Variants in LRRFIP1 observed in about 807,000 individuals in gnomAD.
LRRFIP1 encodes the protein LRR binding FLII interacting protein 1.
In LRRFIP1, 62 loss-of-function variants were observed where a neutral mutation model predicts 104.4. The observed-to-expected ratio is 0.59, with a 90% CI of 0.48 to 0.73. The LOEUF is 0.73. Ranked by LOEUF, LRRFIP1 falls within the 30% of genes least tolerant of loss-of-function variation. The pLI, the probability that LRRFIP1 is intolerant of heterozygous loss-of-function variation, is 0.00. For missense variants in LRRFIP1, 796 were observed against 824.5 expected, an observed-to-expected ratio of 0.97 and a Z score of 0.42; for synonymous variants, 300 against 299.0, an observed-to-expected ratio of 1.00 and a Z score of -0.03.
At chr2:237,705,986 T>C (rs940521416) in intron 1 of LRRFIP1, among the ~76,000 whole-genome samples, 2 of 152,272 alleles carry the variant, frequency 1.3e-5, no homozygotes, top group East Asian at 3.8e-4. Context: ...GCCCATAGGA[T>C]AATCTGTCTT....
chr2:237,762,664 C>G, intron 19 of LRRFIP1: 3 of 1,613,396 alleles, frequency 1.9e-6, no homozygotes, highest in Non-Finnish European at 2.5e-6. Flanking sequence ...AAAGAGAAAT[C>G]TTGCACAATA....
rs2058276831 is a variant in LRRFIP1 at position 237,749,264 on chromosome 2, G to A, written c.735G>A (p.Arg245=). The change falls in exon 13 of 24, where the codon CGG becomes CGA. Residue 245 remains arginine, a synonymous_variant. Transcript: ENST00000308482. ...TLASLGGTSS[R]RGSGDTSISI... is the part of the protein sequence containing the mutation. ...CCTCTCTGGGTGGGACTTCCTCTCG[G>A]AGAGGCAGCGGAGACACCTCCATCT... 1.2e-6 allele frequency: 2 copies of A among 1,613,816 alleles called. No homozygotes were observed. Among genetic ancestry groups the A allele is most frequent in the African/African-American group, 1.3e-5 (1 of 74,882 alleles).
At chr2:237,630,717 C>T (rs7340156) in intron 1 of LRRFIP1, among the ~76,000 whole-genome samples, 63,745 of 152,080 alleles carry the variant, frequency 0.42, 13,664 homozygotes, top group South Asian at 0.45. Flanking sequence ...ACAGCAAGCC[C>T]GGAGGCAGGG....
At chr2:237,677,407 T>C (rs893918983) in intron 1 of LRRFIP1, among the ~76,000 whole-genome samples, 4 of 152,260 alleles carry the variant, frequency 2.6e-5, no homozygotes, top group Non-Finnish European at 5.9e-5. Context: ...ACTATGTATC[T>C]ATACTACATT....
intron 1 of LRRFIP1, among the ~76,000 whole-genome samples, chr2:237,668,529 C>T (rs1290313650): frequency 6.6e-6 from 1 of 152,128 alleles, no homozygotes; most frequent in East Asian, 1.9e-4. Context: ...GCCTCTTAGC[C>T]CCCTCCTTCC....
At chr2:237,666,740 G>GTTCTTTTA (rs1553627219) in intron 1 of LRRFIP1, among the ~76,000 whole-genome samples, 3 of 149,826 alleles carry the variant, frequency 2.0e-5, no homozygotes, top group African/African-American at 7.4e-5. Flanking sequence ...TTGTTCTTTC[G>GTTCTTTTA]TTCTTTCATT....
chr2:237,655,898 C>G (rs2086740987), intron 1 of LRRFIP1, among the ~76,000 whole-genome samples: 1 of 152,230 alleles, frequency 6.6e-6, no homozygotes, highest in South Asian at 2.1e-4. Context: ...ACTCACAATT[C>G]CACAAACAGG....
chr2:237,712,969 T>C (rs1184680049), intron 2 of LRRFIP1, among the ~76,000 whole-genome samples: 1 of 151,996 alleles, frequency 6.6e-6, no homozygotes, highest in East Asian at 1.9e-4. Flanking sequence ...GTTGATACTT[T>C]GGTGTAAAAA....
chr2:237,733,991 G>A (rs2095135615), intron 9 of LRRFIP1, among the ~76,000 whole-genome samples, 173 bp downstream of exon 9: 1 of 152,188 alleles, frequency 6.6e-6, no homozygotes, highest in African/African-American at 2.4e-5. Context: ...GGCCAGATCT[G>A]GGTTTTCTCT....
chr2:237,675,802 GT>G, intron 1 of LRRFIP1, among the ~76,000 whole-genome samples: 1 of 152,158 alleles, frequency 6.6e-6, no homozygotes, highest in East Asian at 1.9e-4. Context: ...GGCCTTAGGT[GT>G]TGTTTATTTT....
At chr2:237,682,984 G>C (rs2091986901) in intron 1 of LRRFIP1, among the ~76,000 whole-genome samples, 1 of 152,250 alleles carries the variant, frequency 6.6e-6, no homozygotes, top group African/African-American at 2.4e-5. Context: ...GGCAATGTCT[G>C]AGATATTTTT....
Position 237,771,568 on chromosome 2 carries a change from CCA to C in LRRFIP1, c.1510-512_1510-511del, listed in dbSNP as rs1251963163. ...GGAACCAATCCCCCCCCCCCCCCGC[CCA>C]GATACCAAGGGACAACTGGACATGT... is the stretch of plus-strand genomic sequence containing the variant. On this transcript the variant is annotated intron_variant, in intron 20 of 23. Transcript: ENST00000308482. 1.1e-3 allele frequency among the ~76,000 whole-genome samples: 134 copies of C among 124,036 alleles called. 1 individual carries two copies. Among genetic ancestry groups the C allele is most frequent in the South Asian group, 5.6e-3 (18 of 3,198 alleles). 81.4% of individuals were successfully genotyped at this position (124,036 alleles called of 152,430 possible). A position where few individuals can be genotyped will look rare whatever the true frequency, so the allele number is the denominator to read the frequency against.
intron 1 of LRRFIP1, among the ~76,000 whole-genome samples, chr2:237,654,910 T>A (rs1161556997): frequency 6.6e-6 from 1 of 151,962 alleles, no homozygotes; most frequent in East Asian, 1.9e-4. Flanking sequence ...AACCAAGATA[T>A]GGAATCAACC....
intron 13 of LRRFIP1, among the ~76,000 whole-genome samples, chr2:237,750,169 C>T (rs878866377): frequency 1.3e-5 from 2 of 152,066 alleles, no homozygotes; most frequent in African/African-American, 2.4e-5. Context: ...AAGCATCCAC[C>T]AGAGTTTGGC....
intron 8 of LRRFIP1, among the ~76,000 whole-genome samples, chr2:237,732,070 A>T (rs1190149174): frequency 6.6e-6 from 1 of 152,214 alleles, no homozygotes; most frequent in Non-Finnish European, 1.5e-5. Context: ...ATTTAATATC[A>T]ACTAAAATTA....
chr2:237,759,453 C>T (rs2059636739), intron 18 of LRRFIP1, among the ~76,000 whole-genome samples: 1 of 152,170 alleles, frequency 6.6e-6, no homozygotes, highest in South Asian at 2.1e-4. Context: ...CGTAATTCTG[C>T]TCCTTGAAGA....
At chr2:237,664,032 A>C (rs2088651145) in intron 1 of LRRFIP1, among the ~76,000 whole-genome samples, 1 of 151,926 alleles carries the variant, frequency 6.6e-6, no homozygotes, top group African/African-American at 2.4e-5. Context: ...GGGAGGGAGG[A>C]GCAGGGTGAA....
intron 3 of LRRFIP1, among the ~76,000 whole-genome samples, 189 bp downstream of exon 3, chr2:237,714,465 A>G (rs1350748935): frequency 6.6e-6 from 1 of 152,244 alleles, no homozygotes; most frequent in Non-Finnish European, 1.5e-5. Flanking sequence ...CACTCAAAGC[A>G]ACAGTCAGAC....
At chr2:237,776,366 A>G (rs1435355797) in intron 23 of LRRFIP1, among the ~76,000 whole-genome samples, 4 of 152,164 alleles carry the variant, frequency 2.6e-5, no homozygotes, top group Non-Finnish European at 5.9e-5. Flanking sequence ...TACATGATTC[A>G]CTTTTGTAAA....
Sources: gnomAD v4.1 joint callset for allele counts (sites outside exome capture counted in the v4.1 genomes callset) on GRCh38, gnomAD v4.1.1 for gene constraint, MANE v1.5 for transcripts, NCBI Gene and HGNC (gene_info 2026-07-23, HGNC 2026-07-21) for gene names.